SH3RF3: variants seen among roughly 807,000 people sequenced by gnomAD.
SH3RF3 encodes the protein E3 ubiquitin-protein ligase SH3RF3.
SH3RF3 carries 29 observed loss-of-function variants against 66.3 expected under a neutral mutation model. The observed-to-expected ratio is 0.44, with a 90% CI of 0.33 to 0.60. The LOEUF (loss-of-function observed/expected upper bound fraction) is 0.60, where lower values mean the gene tolerates loss of function less well. Among genes scored for constraint, SH3RF3 ranks in the 20% least tolerant of loss-of-function variants. The pLI is 0.04. For synonymous variants in SH3RF3, 583 were observed against 532.0 expected (o/e 1.10, Z -1.32); for missense variants, 1,194 against 1,190.9 (o/e 1.00, Z -0.04).
At chr2:109,174,835 G>A (rs147552141) in intron 1 of SH3RF3, among the ~76,000 whole-genome samples, 155 of 152,320 alleles carry the variant, frequency 1.0e-3, no homozygotes, top group Non-Finnish European at 1.6e-3. Context: ...TTCAGGGATA[G>A]GATAGCAGGA....
chr2:109,459,295 C>G (rs113013107), intron 8 of SH3RF3, among the ~76,000 whole-genome samples: 2,590 of 152,122 alleles, frequency 0.017, 76 homozygotes, highest in African/African-American at 0.06. Flanking sequence ...AGTTACAATC[C>G]TCATTTCTGT....
chr2:109,416,862 G>A (rs998598330), intron 4 of SH3RF3, among the ~76,000 whole-genome samples: 9 of 147,042 alleles, frequency 6.1e-5, no homozygotes, highest in Admixed American at 1.4e-4. Flanking sequence ...CTGAGATCGC[G>A]CCACTGCATT....
intron 3 of SH3RF3, among the ~76,000 whole-genome samples, chr2:109,378,114 G>T (rs1683431496): frequency 6.6e-6 from 1 of 152,214 alleles, no homozygotes; most frequent in Admixed American, 6.5e-5. Context: ...GACTTCCCAT[G>T]AGAGCCACAA....
intron 8 of SH3RF3, among the ~76,000 whole-genome samples, chr2:109,454,602 C>T (rs957574602): frequency 1.3e-5 from 2 of 152,166 alleles, no homozygotes; most frequent in Non-Finnish European, 2.9e-5. Flanking sequence ...CCATGAGTTC[C>T]ACAGCAGCAT....
chr2:109,305,911 T>G (rs956111857), intron 1 of SH3RF3, among the ~76,000 whole-genome samples: 1 of 152,200 alleles, frequency 6.6e-6, no homozygotes, highest in Non-Finnish European at 1.5e-5. Context: ...AGCTCTGCCC[T>G]TTGGGCTGCT....
intron 1 of SH3RF3, among the ~76,000 whole-genome samples, chr2:109,168,228 G>C (rs1211030496): frequency 6.6e-6 from 1 of 152,210 alleles, no homozygotes; most frequent in Non-Finnish European, 1.5e-5. Flanking sequence ...AGCTTTTCTG[G>C]AGAGATCAAA....
chr2:109,290,096 C>G (rs1006025920), intron 1 of SH3RF3, among the ~76,000 whole-genome samples: 1 of 152,202 alleles, frequency 6.6e-6, no homozygotes, highest in Non-Finnish European at 1.5e-5. Context: ...GCCAATGCTG[C>G]TGGTCCGTGG....
chr2:109,356,924 A>G (rs1682956646), intron 2 of SH3RF3, among the ~76,000 whole-genome samples: 1 of 152,120 alleles, frequency 6.6e-6, no homozygotes, highest in African/African-American at 2.4e-5. Flanking sequence ...CTGGCTTGCC[A>G]TGACTCGGTT....
intron 7 of SH3RF3, among the ~76,000 whole-genome samples, chr2:109,447,979 C>T (rs557228927): frequency 6.6e-6 from 1 of 152,236 alleles, no homozygotes; most frequent in East Asian, 1.9e-4. Flanking sequence ...GGGTGGTGGG[C>T]GGCTTCTCCT....
chr2:109,246,275 A>G (rs1054442635), intron 1 of SH3RF3, among the ~76,000 whole-genome samples: 3 of 152,222 alleles, frequency 2.0e-5, no homozygotes, highest in Non-Finnish European at 4.4e-5. Context: ...TCCAAGATCA[A>G]GGCACTGGCA....
rs148090949 is a variant in SH3RF3, at chr2:109,491,741, G to A, written c.2480+805G>A. Among the ~76,000 whole-genome samples, 917 of 152,294 alleles carry A rather than the reference G, an allele frequency of 6.0e-3. 5 individuals are homozygous for A. The highest frequency in any genetic ancestry group is 0.015 in the South Asian group (73 of 4,828). ...TCAGGTTAGGATGGTAGAAAGATATGATCCTTACTGAGTGCCTACACATTG... is the reference window on the plus strand; with the variant it reads ...TCAGGTTAGGATGGTAGAAAGATATAATCCTTACTGAGTGCCTACACATTG... On this transcript the variant is annotated intron_variant, in intron 9 of 9. Transcript: ENST00000309415.
intron 7 of SH3RF3, among the ~76,000 whole-genome samples, chr2:109,447,404 C>T (rs968752130): frequency 2.6e-5 from 4 of 152,126 alleles, no homozygotes; most frequent in Non-Finnish European, 4.4e-5. Context: ...TTAGGATTAA[C>T]GAGTGCATAG....
intron 1 of SH3RF3, among the ~76,000 whole-genome samples, chr2:109,196,167 C>T (rs1192129705): frequency 6.6e-6 from 1 of 152,226 alleles, no homozygotes; most frequent in African/African-American, 2.4e-5. Context: ...GCTGGTTGGC[C>T]ATGGCAGAGC....
At chr2:109,251,456 C>T (rs2105260789) in intron 1 of SH3RF3, 1 of 727,370 alleles carries the variant, frequency 1.4e-6, no homozygotes, top group African/African-American at 1.7e-5. Flanking sequence ...TTGAAAAAAT[C>T]TATGGACAAG....
intron 1 of SH3RF3, among the ~76,000 whole-genome samples, chr2:109,299,075 C>T (rs1681394551): frequency 6.6e-6 from 1 of 152,190 alleles, no homozygotes; most frequent in South Asian, 2.1e-4. Flanking sequence ...CCTGTCTTCC[C>T]CACAAGCCAC....
At chr2:109,397,818 G>A (rs1235503694) in intron 3 of SH3RF3, among the ~76,000 whole-genome samples, 1 of 152,208 alleles carries the variant, frequency 6.6e-6, no homozygotes, top group East Asian at 1.9e-4. Flanking sequence ...GGTTGCTCAT[G>A]GACTTGAACC....
intron 1 of SH3RF3, among the ~76,000 whole-genome samples, chr2:109,261,417 C>T (rs2105290769): frequency 6.6e-6 from 1 of 152,324 alleles, no homozygotes; most frequent in Middle Eastern, 3.4e-3. Context: ...GTAAAATGTG[C>T]AGTCTGTGGA....
At chr2:109,240,171 T>A (rs1679744784) in intron 1 of SH3RF3, among the ~76,000 whole-genome samples, 1 of 152,176 alleles carries the variant, frequency 6.6e-6, no homozygotes, top group East Asian at 1.9e-4. Flanking sequence ...GATCACCCAT[T>A]TATCACCTCT....
chr2:109,196,694 A>T (rs1402212714), intron 1 of SH3RF3, among the ~76,000 whole-genome samples: 2 of 152,122 alleles, frequency 1.3e-5, no homozygotes, highest in Non-Finnish European at 2.9e-5. Flanking sequence ...GGCTCTGTGA[A>T]TCCTGAGCTG....
Sources: gnomAD v4.1 joint callset for allele counts (sites outside exome capture counted in the v4.1 genomes callset) on GRCh38, gnomAD v4.1.1 for gene constraint, MANE v1.5 for transcripts, NCBI Gene and HGNC (gene_info 2026-07-23, HGNC 2026-07-21) for gene names.